Variants in BAZ1B observed in about 807,000 individuals in gnomAD.
BAZ1B encodes tyrosine-protein kinase BAZ1B.
A neutral mutation model predicts 153.8 loss-of-function variants in BAZ1B; 22 were observed. The observed-to-expected ratio is 0.14, with a 90% CI of 0.10 to 0.20. BAZ1B has a LOEUF of 0.20. Among genes scored for constraint, BAZ1B ranks in the 10% least tolerant of loss-of-function variants. The pLI, the probability that BAZ1B is intolerant of heterozygous loss-of-function variation, is 1.00. For missense variants in BAZ1B, 1,325 were observed against 1,799.3 expected, an observed-to-expected ratio of 0.74 and a Z score of 4.77; for synonymous variants, 676 against 633.4, an observed-to-expected ratio of 1.07 and a Z score of -1.01.
At chr7:73,500,241 G>T (rs1263013929) in intron 3 of BAZ1B, among the ~76,000 whole-genome samples, 1 of 152,132 alleles carries the variant, frequency 6.6e-6, no homozygotes, top group Non-Finnish European at 1.5e-5. Context: ...ATACTGTTAA[G>T]AAAACAAAAA....
intron 3 of BAZ1B, among the ~76,000 whole-genome samples, chr7:73,505,666 T>C (rs1341219798): frequency 2.6e-5 from 4 of 152,072 alleles, no homozygotes; most frequent in African/African-American, 9.7e-5. Context: ...TTCTCCCACT[T>C]CGGCCTCCCG....
In BAZ1B at chr7:73,441,582, A is replaced by T. The variant is rs1787618529; in HGVS notation, c.*127T>A. ...TGTCACAAAGAAGGGGAGATTCAGG[A>T]ATGGCTCCAGGACACGTCCCTTTAC... On this transcript the variant is annotated 3_prime_UTR_variant, in exon 20 of 20. Transcript: ENST00000339594. The T allele has an allele frequency of 6.6e-6, 1 of 152,472 alleles. No homozygotes were observed. Among genetic ancestry groups the T allele is most frequent in the Non-Finnish European group, 1.5e-5 (1 of 68,046 alleles). The allele number at this position is 152,472 out of a possible 1,614,324, so 9.4% of individuals were successfully genotyped here.
intron 11 of BAZ1B, among the ~76,000 whole-genome samples, chr7:73,463,426 G>A (rs541405279): frequency 6.6e-6 from 1 of 151,658 alleles, no homozygotes; most frequent in Non-Finnish European, 1.5e-5. Flanking sequence ...TTTTTGTAGG[G>A]ATGGGGTCTT....
At chr7:73,465,880 C>T (rs545872199) in intron 10 of BAZ1B, among the ~76,000 whole-genome samples, 10 of 152,094 alleles carry the variant, frequency 6.6e-5, no homozygotes, top group Non-Finnish European at 1.2e-4. Context: ...CAGTTAAAGC[C>T]GTAGAATGGA....
At chr7:73,512,939 T>C (rs1437585689) in intron 1 of BAZ1B, among the ~76,000 whole-genome samples, 1 of 152,152 alleles carries the variant, frequency 6.6e-6, no homozygotes, top group African/African-American at 2.4e-5. Flanking sequence ...CTGCAGCATC[T>C]AGCTCATTTT....
chr7:73,457,944 ACACGTCTCATCCAT>A (rs1307994097), intron 13 of BAZ1B, among the ~76,000 whole-genome samples: 1 of 152,196 alleles, frequency 6.6e-6, no homozygotes, highest in Non-Finnish European at 1.5e-5. Flanking sequence ...TCCTTGTTCC[ACACGTCTCATCCAT>A]CTGGCTGTTC....
At chr7:73,457,653 G>A (rs375847119) in intron 13 of BAZ1B, among the ~76,000 whole-genome samples, 3 of 152,108 alleles carry the variant, frequency 2.0e-5, no homozygotes, top group East Asian at 1.9e-4. Context: ...GTTATTCAGA[G>A]GAGCCCCTTT....
chr7:73,466,717 T>G (rs1422292802), intron 9 of BAZ1B, among the ~76,000 whole-genome samples: 1 of 152,170 alleles, frequency 6.6e-6, no homozygotes, highest in Non-Finnish European at 1.5e-5. Context: ...TCCTTTTACA[T>G]GATGTTAAGA....
In BAZ1B at chr7:73,490,231, TCA is replaced by T. The variant is rs143237492; in HGVS notation, c.694-842_694-841del. On this transcript the variant is annotated intron_variant, in intron 5 of 19. Coordinates refer to ENST00000339594, the MANE Select transcript of BAZ1B (RefSeq NM_032408.4). The stretch of plus-strand genomic sequence containing the variant: ...ATCTAATCACCTCCCCTGGTGACTA[TCA>T]CACACATTAAAATCTGAGAACACTG... 2.4e-3 allele frequency among the ~76,000 whole-genome samples: 369 copies of T among 152,264 alleles called. 1 individual carries two copies. The highest frequency in any genetic ancestry group is 4.4e-3 in the Non-Finnish European group (299 of 68,012).
intron 1 of BAZ1B, among the ~76,000 whole-genome samples, chr7:73,515,304 A>G (rs1257019280): frequency 5.3e-5 from 8 of 152,092 alleles, no homozygotes; most frequent in African/African-American, 1.9e-4. Context: ...ACCCACTGCC[A>G]TGTGGCTTGT....
chr7:73,452,264 C>T (rs1788047799), intron 13 of BAZ1B, among the ~76,000 whole-genome samples: 1 of 152,164 alleles, frequency 6.6e-6, no homozygotes, highest in Admixed American at 6.5e-5. Flanking sequence ...TGTAACAGTA[C>T]TTTCATCAGT....
Position 73,447,286 on chromosome 7 carries a change from A to G in BAZ1B, c.3822T>C (p.Asp1274=). The G allele has an allele frequency of 3.1e-6, 5 of 1,613,872 alleles. No individual in the cohort carries two copies. Among genetic ancestry groups the G allele is most frequent in the Non-Finnish European group, 4.2e-6 (5 of 1,179,894 alleles). The part of the protein sequence containing the change: ...EEEEEEEEEE[D]YEVAGLRLRP... ...TACATCGCAAACCAGCCACCTCATA[A>G]TCTTCTTCCTCCTCCTCCTCTTCTT... Residue 1274 remains aspartate (D), a synonymous_variant, in exon 16 of 20, where the codon GAT becomes GAC. Coordinates refer to ENST00000339594, the MANE Select transcript of BAZ1B (RefSeq NM_032408.4).
intron 1 of BAZ1B, among the ~76,000 whole-genome samples, chr7:73,515,841 GGTCTTAAAAT>G (rs1790776959): frequency 6.6e-6 from 1 of 152,038 alleles, no homozygotes; most frequent in African/African-American, 2.4e-5. Context: ...TGTCAGCCTT[GGTCTTAAAAT>G]GAGAAAAATG....
At chr7:73,503,258 A>C (rs1464117362) in intron 3 of BAZ1B, among the ~76,000 whole-genome samples, 1 of 152,094 alleles carries the variant, frequency 6.6e-6, no homozygotes, top group Non-Finnish European at 1.5e-5. Flanking sequence ...TTCTTTATTA[A>C]TCTGATGTGT....
chr7:73,496,817 C>A (rs1038608321), intron 4 of BAZ1B, among the ~76,000 whole-genome samples: 2 of 151,898 alleles, frequency 1.3e-5, no homozygotes, highest in African/African-American at 4.8e-5. Flanking sequence ...AGGGCTCTGA[C>A]CTCTCCTCCT....
rs781952325 is a variant in BAZ1B, at chr7:73,449,607, T to C, written c.3663A>G (p.Val1221=). Reference sequence around the variant, plus strand: ...CTGGGCACTGCCACTCACCATCTGGTACTTCATAGAGGGCCGGCCTCAGAC... The same window carrying C: ...CTGGGCACTGCCACTCACCATCTGGCACTTCATAGAGGGCCGGCCTCAGAC... ...LFCLRPALYE[V]PDGEWQCPAC... Residue 1221 remains valine, a synonymous_variant, in exon 15 of 20, where the codon GTA becomes GTG. Transcript: ENST00000339594. 2.9e-5 allele frequency: 47 copies of C among 1,614,028 alleles called. No homozygotes were observed. In the South Asian group the frequency reaches 4.9e-4, roughly 17 times the overall value.
In BAZ1B at chr7:73,477,715, G is replaced by A. The variant is rs782750494; in HGVS notation, c.1746C>T (p.Asp582=). ...ERLEKQKRYE[D]QELTGKNLPA... Reference sequence around the variant, plus strand: ...GAAGGTTTTTGCCAGTTAACTCTTGGTCCTCATACCGCTTCTGTTTTTCTA... The same window carrying A: ...GAAGGTTTTTGCCAGTTAACTCTTGATCCTCATACCGCTTCTGTTTTTCTA... Residue 582 remains aspartate (D), a synonymous_variant, in exon 7 of 20, where the codon GAC becomes GAT. Transcript: ENST00000339594. The surrounding 1 kb of genome is among the most constrained non-coding windows in gnomAD (Gnocchi z 5.6). The A allele has an allele frequency of 6.2e-7, 1 of 1,614,152 alleles. No homozygotes were observed. The highest frequency in any genetic ancestry group is 8.5e-7 in the Non-Finnish European group (1 of 1,180,022).
chr7:73,521,825 A>G lies in BAZ1B; in HGVS notation c.107+2T>C. 1 of 1,492,930 alleles carries G rather than the reference A, an allele frequency of 6.7e-7. No homozygotes were observed. Among genetic ancestry groups the G allele is most frequent in the South Asian group, 1.2e-5 (1 of 80,868 alleles). The allele number at this position is 1,492,930 out of a possible 1,614,324, so 92.5% of individuals were successfully genotyped here. On this transcript the variant is annotated splice_donor_variant, in intron 1 of 19. Transcript: ENST00000339594. LOFTEE classifies it high-confidence loss of function. ...CCGGCCCGCGCGGCTGGAAAAGGAT[A>G]CTCCCGGGTGCGGAAGGCCTCCTGA...
chr7:73,480,913 T>C (rs1336027901), intron 6 of BAZ1B, among the ~76,000 whole-genome samples: 6 of 152,134 alleles, frequency 3.9e-5, no homozygotes, highest in African/African-American at 9.7e-5. Flanking sequence ...AGCTGTACTA[T>C]AAAGCCATTT....
Sources: allele counts gnomAD v4.1 joint callset (sites outside exome capture counted in the v4.1 genomes callset), GRCh38; gene constraint gnomAD v4.1.1; non-coding constraint Gnocchi (gnomAD v3.1); transcripts MANE v1.5; gene names NCBI Gene and HGNC (gene_info 2026-07-23, HGNC 2026-07-21).